MAPKAP1: variants seen among roughly 807,000 people sequenced by gnomAD.
MAPKAP1 encodes target of rapamycin complex 2 subunit MAPKAP1.
In MAPKAP1, 20 loss-of-function variants were observed where a neutral mutation model predicts 65.7. That is an observed-to-expected ratio of 0.30 (90% CI 0.21 to 0.44). The LOEUF (loss-of-function observed/expected upper bound fraction) is 0.44. Among genes scored for constraint, MAPKAP1 ranks in the 20% least tolerant of loss-of-function variants. The pLI is 1.00. For synonymous variants in MAPKAP1, 222 were observed against 244.3 expected, an observed-to-expected ratio of 0.91 and a Z score of 0.85; for missense variants, 423 against 648.0, an observed-to-expected ratio of 0.65 and a Z score of 3.77.
intron 7 of MAPKAP1, among the ~76,000 whole-genome samples, chr9:125,508,196 A>G (rs1326121953): frequency 6.6e-6 from 1 of 152,192 alleles, no homozygotes; most frequent in African/African-American, 2.4e-5. Flanking sequence ...TAAGTAAATC[A>G]AAGTATGGAA....
chr9:125,539,455 T>C (rs1830175735), intron 7 of MAPKAP1, among the ~76,000 whole-genome samples: 1 of 152,242 alleles, frequency 6.6e-6, no homozygotes, highest in Non-Finnish European at 1.5e-5. Context: ...TAGAGGTATC[T>C]ATATTTCTGT....
intron 4 of MAPKAP1, among the ~76,000 whole-genome samples, chr9:125,612,072 T>TTCC (rs977510855): frequency 1.1e-4 from 16 of 152,240 alleles, no homozygotes; most frequent in African/African-American, 3.9e-4. Flanking sequence ...CAATGAGCAT[T>TTCC]TCCTTTGATC....
chr9:125,665,537 G>C (rs1047008879), intron 3 of MAPKAP1, among the ~76,000 whole-genome samples: 1 of 151,552 alleles, frequency 6.6e-6, no homozygotes, highest in East Asian at 1.9e-4. Context: ...AAACCTATAA[G>C]AACTAATGAT....
chr9:125,513,316 T>A (rs1043725765), intron 7 of MAPKAP1: 1 of 147,984 alleles, frequency 6.8e-6, no homozygotes, highest in African/African-American at 2.6e-5. Context: ...AAGAACAAGT[T>A]TGAGAATCAC....
At position 125,585,422 on chromosome 9, in the gene MAPKAP1, G is replaced by A. The variant is rs573699054; in HGVS notation, c.671+133C>T. The A allele has an allele frequency of 3.4e-6, 3 of 883,252 alleles. No individual in the cohort carries two copies. The African/African-American group carries it at 5.0e-5, about 15-fold the overall frequency. 54.7% of individuals were successfully genotyped at this position (883,252 alleles called of 1,614,324 possible). On this transcript the variant is annotated intron_variant, in intron 5 of 11. Transcript: ENST00000265960. The stretch of plus-strand genomic sequence containing the variant: ...GAGATGCACAGGCGCGAGACCTGGT[G>A]AGCACCCAGAGCTGGATCAGTGCAG...
chr9:125,443,958 C>T (rs1852599285), intron 11 of MAPKAP1, among the ~76,000 whole-genome samples: 1 of 152,058 alleles, frequency 6.6e-6, no homozygotes, highest in Non-Finnish European at 1.5e-5. Context: ...GAAAAGCTCT[C>T]CAGGGGCAGG....
intron 7 of MAPKAP1, among the ~76,000 whole-genome samples, chr9:125,525,689 A>G (rs886494466): frequency 1.5e-4 from 22 of 149,694 alleles, no homozygotes; most frequent in Admixed American, 6.0e-4. Context: ...AAACAAAAAA[A>G]CAAAAACAAA....
At chr9:125,583,269 C>T (rs987823177) in intron 5 of MAPKAP1, among the ~76,000 whole-genome samples, 1 of 152,174 alleles carries the variant, frequency 6.6e-6, no homozygotes, top group Admixed American at 6.5e-5. Flanking sequence ...CTACTGCTCC[C>T]TCAGGTATCA....
At chr9:125,699,986 C>G (rs1835547238) in intron 1 of MAPKAP1, among the ~76,000 whole-genome samples, 1 of 152,186 alleles carries the variant, frequency 6.6e-6, no homozygotes, top group Non-Finnish European at 1.5e-5. Context: ...ACAGTACTTA[C>G]AAGGTACTTA....
intron 8 of MAPKAP1, among the ~76,000 whole-genome samples, chr9:125,488,353 G>T (rs11790051): frequency 4.6e-5 from 7 of 151,900 alleles, no homozygotes; most frequent in Non-Finnish European, 8.8e-5. Flanking sequence ...TGGAGTTCCA[G>T]TGTCATTTCT....
chr9:125,638,144 G>C (rs924023425), intron 4 of MAPKAP1, among the ~76,000 whole-genome samples: 2 of 152,292 alleles, frequency 1.3e-5, no homozygotes, highest in African/African-American at 2.4e-5. Flanking sequence ...GAGGGAAAGG[G>C]CTCTGATTGT....
At chr9:125,698,335 AT>A (rs1835492237) in intron 1 of MAPKAP1, among the ~76,000 whole-genome samples, 9 of 104,060 alleles carry the variant, frequency 8.6e-5, no homozygotes, top group East Asian at 5.5e-4. Context: ...ATATATATAT[AT>A]AAAATATATA....
In MAPKAP1 at chr9:125,595,936, CAAGAG is replaced by C. The variant is rs1312853989; in HGVS notation, c.499-10214_499-10210del. 7.3e-7 allele frequency: 1 copy of C among 1,373,866 alleles called. No individual in the cohort carries two copies. Among genetic ancestry groups the C allele is most frequent in the African/African-American group, 1.4e-5 (1 of 70,362 alleles). 85.1% of individuals were successfully genotyped at this position (1,373,866 alleles called of 1,614,324 possible). A position where few individuals can be genotyped will look rare whatever the true frequency, so the allele number is the denominator to read the frequency against. On this transcript the variant is annotated intron_variant, in intron 4 of 11. Coordinates refer to ENST00000265960, the MANE Select transcript of MAPKAP1 (RefSeq NM_001006617.3). This position sits in a 1 kb window ranked among gnomAD's most constrained non-coding sequence, Gnocchi z 4.0. ...GTTGTGGAACCAAAGAGAGCTGTCT[CAAGAG>C]AAGATTCTCAAAGACCAGGTGCCCA...
intron 7 of MAPKAP1, among the ~76,000 whole-genome samples, chr9:125,520,784 A>G (rs986483333): frequency 9.2e-5 from 14 of 152,166 alleles, no homozygotes; most frequent in African/African-American, 3.4e-4. Flanking sequence ...CTCCACCTCC[A>G]TCTGACTCCA....
intron 8 of MAPKAP1, among the ~76,000 whole-genome samples, chr9:125,504,908 C>T (rs1829093299): frequency 6.6e-6 from 1 of 152,170 alleles, no homozygotes; most frequent in Non-Finnish European, 1.5e-5. Context: ...TTCACTCATT[C>T]AATCTATATT....
At chr9:125,548,447 C>G (rs577513245) in intron 6 of MAPKAP1, among the ~76,000 whole-genome samples, 2 of 152,134 alleles carry the variant, frequency 1.3e-5, no homozygotes, top group African/African-American at 2.4e-5. Context: ...CTAGGAGAGA[C>G]GGTGGCAGCA....
chr9:125,576,447 C>T lies in MAPKAP1; in HGVS notation c.671+9108G>A, dbSNP rs542877681. On this transcript the variant is annotated intron_variant, in intron 5 of 11. Coordinates refer to ENST00000265960, the MANE Select transcript of MAPKAP1 (RefSeq NM_001006617.3). ...ACCTAAAACTGCTCTAAAAAATAGT[C>T]GATTAAAATTTTTTTAAAAAAACGA... Among the ~76,000 whole-genome samples the T allele has an allele frequency of 3.9e-5, 6 of 152,240 alleles. No individual in the cohort carries two copies. In the South Asian group the frequency reaches 8.3e-4, roughly 21 times the overall value.
At chr9:125,488,199 A>C (rs1854564517) in intron 8 of MAPKAP1, among the ~76,000 whole-genome samples, 1 of 152,188 alleles carries the variant, frequency 6.6e-6, no homozygotes, top group Non-Finnish European at 1.5e-5. Flanking sequence ...CCTTGCCCCA[A>C]CTGACAAGGG....
At chr9:125,445,995 G>T (rs143122461) in intron 10 of MAPKAP1, among the ~76,000 whole-genome samples, 13 of 152,236 alleles carry the variant, frequency 8.5e-5, no homozygotes, top group African/African-American at 3.1e-4. Flanking sequence ...ACAGACCTTA[G>T]TGTCTGTAAG....
Sources: allele counts gnomAD v4.1 joint callset (sites outside exome capture counted in the v4.1 genomes callset), GRCh38; gene constraint gnomAD v4.1.1; non-coding constraint Gnocchi (gnomAD v3.1); transcripts MANE v1.5; gene names NCBI Gene and HGNC (gene_info 2026-07-23, HGNC 2026-07-21).